The following MYO9A variants were observed in gnomAD, a reference collection of about 807,000 sequenced individuals.
MYO9A encodes myosin IXA.
A neutral mutation model predicts 293.3 loss-of-function variants in MYO9A; 103 were observed. The observed-to-expected ratio is 0.35, with a 90% CI of 0.30 to 0.41. The LOEUF (loss-of-function observed/expected upper bound fraction) is 0.41. Ranked by LOEUF, MYO9A falls within the 10% of genes least tolerant of loss-of-function variation. The pLI is 1.00. For missense variants in MYO9A, 2,685 were observed against 3,033.0 expected (o/e 0.89, Z 2.69); for synonymous variants, 1,001 against 1,035.7 (o/e 0.97, Z 0.64).
At chr15:71,908,432 G>C (rs1028475464) in intron 19 of MYO9A, among the ~76,000 whole-genome samples, 1 of 152,148 alleles carries the variant, frequency 6.6e-6, no homozygotes, top group East Asian at 1.9e-4. Flanking sequence ...CAAAGTGCTG[G>C]GATTACAGGC....
chr15:71,928,763 G>C (rs919981144), intron 18 of MYO9A, among the ~76,000 whole-genome samples: 1 of 151,934 alleles, frequency 6.6e-6, no homozygotes, highest in South Asian at 2.1e-4. Flanking sequence ...TTTATAAAAT[G>C]CTACTGATTT....
intron 6 of MYO9A, 131 bp downstream of exon 6, chr15:72,018,908 A>T (rs1055412549): frequency 2.8e-6 from 2 of 702,462 alleles, no homozygotes; most frequent in Non-Finnish European, 5.0e-6. Flanking sequence ...GAAATGAAAC[A>T]TTGATTTATC....
intron 8 of MYO9A, among the ~76,000 whole-genome samples, chr15:72,006,651 T>C (rs1410119198): frequency 6.6e-6 from 1 of 152,090 alleles, no homozygotes; most frequent in Non-Finnish European, 1.5e-5. Flanking sequence ...CCAAATAGCA[T>C]GAAGAGTGGA....
chr15:72,028,137 C>T (rs1306890051), intron 3 of MYO9A, among the ~76,000 whole-genome samples: 1 of 150,030 alleles, frequency 6.7e-6, no homozygotes, highest in Non-Finnish European at 1.5e-5. Context: ...GCAGAAGTTG[C>T]AGTGAACCAA....
chr15:71,960,742 T>C (rs959881794), intron 13 of MYO9A, among the ~76,000 whole-genome samples: 5 of 152,190 alleles, frequency 3.3e-5, no homozygotes, highest in Non-Finnish European at 7.3e-5. Context: ...TATAATTTTA[T>C]AGCAGCTTGT....
chr15:72,040,689 G>A (rs559352024), intron 2 of MYO9A, among the ~76,000 whole-genome samples: 2 of 151,974 alleles, frequency 1.3e-5, no homozygotes, highest in South Asian at 2.1e-4. Flanking sequence ...TTTGCCTCCC[G>A]AAGAACCCGG....
chr15:71,921,720 CA>C (rs1472832826), intron 18 of MYO9A, among the ~76,000 whole-genome samples: 3 of 152,054 alleles, frequency 2.0e-5, no homozygotes, highest in Non-Finnish European at 4.4e-5. Flanking sequence ...GTAAAAAGGT[CA>C]AAAAGTTAGT....
At chr15:72,115,541 G>T (rs568924166) in intron 1 of MYO9A, among the ~76,000 whole-genome samples, 3 of 152,078 alleles carry the variant, frequency 2.0e-5, no homozygotes, top group Admixed American at 6.5e-5. Flanking sequence ...ACTCAACTCC[G>T]AATATCCAAG....
intron 15 of MYO9A, among the ~76,000 whole-genome samples, chr15:71,940,773 A>C (rs1173279305): frequency 6.6e-6 from 1 of 152,194 alleles, no homozygotes; most frequent in Non-Finnish European, 1.5e-5. Flanking sequence ...TAAAATTAAC[A>C]TGGAAATACA....
intron 19 of MYO9A, among the ~76,000 whole-genome samples, chr15:71,914,656 CA>C (rs1176542482): frequency 6.6e-6 from 1 of 152,190 alleles, no homozygotes; most frequent in African/African-American, 2.4e-5. Flanking sequence ...AGATGACTTT[CA>C]CTTGTTCTTA....
chr15:72,085,226 C>G (rs867981008), intron 1 of MYO9A, among the ~76,000 whole-genome samples: 5 of 152,178 alleles, frequency 3.3e-5, no homozygotes, highest in Middle Eastern at 3.4e-3. Flanking sequence ...AGCCCCGTCT[C>G]TACTAAAAAT....
At chr15:71,962,474 C>A (rs903518984) in intron 13 of MYO9A, among the ~76,000 whole-genome samples, 2 of 152,096 alleles carry the variant, frequency 1.3e-5, no homozygotes, top group African/African-American at 4.8e-5. Flanking sequence ...TCCTTACATA[C>A]CCTTAGAGCA....
intron 20 of MYO9A, 35 bp downstream of exon 20, chr15:71,904,891 T>C: frequency 6.7e-7 from 1 of 1,491,392 alleles, no homozygotes. Flanking sequence ...TGAAGTAAGC[T>C]GAGATATGTG....
intron 15 of MYO9A, among the ~76,000 whole-genome samples, chr15:71,948,643 G>T (rs1377246401): frequency 6.6e-6 from 1 of 152,106 alleles, no homozygotes; most frequent in African/African-American, 2.4e-5. Context: ...GAAAAAATTT[G>T]CCAACCCCTA....
At chr15:72,025,642 A>C (rs1385000394) in intron 4 of MYO9A, among the ~76,000 whole-genome samples, 2 of 152,132 alleles carry the variant, frequency 1.3e-5, no homozygotes, top group African/African-American at 4.8e-5. Flanking sequence ...GAGCCAGTGC[A>C]CCCGGCCACA....
At chr15:71,990,991 A>G in intron 11 of MYO9A, 112 bp downstream of exon 11, 1 of 1,091,116 alleles carries the variant, frequency 9.2e-7, no homozygotes, top group Non-Finnish European at 1.2e-6. Flanking sequence ...ATATTTAATA[A>G]AAACACTATG....
intron 36 of MYO9A, 89 bp downstream of exon 36, chr15:71,852,043 A>C: frequency 7.3e-7 from 1 of 1,368,490 alleles, no homozygotes; most frequent in Non-Finnish European, 9.8e-7. Flanking sequence ...GAATTAAACC[A>C]CTAGAGGATG....
Position 71,881,141 on chromosome 15 carries a change from T to G in MYO9A, c.5399-583A>C, listed in dbSNP as rs939621168. ...ACTTCTGCTTGGGTCTCTTCAGCAT[T>G]TAGGATTTTCTTAAACATCCCCCAA... On this transcript the variant is annotated intron_variant, in intron 28 of 41. Coordinates refer to ENST00000356056, the MANE Select transcript of MYO9A (RefSeq NM_006901.4). 2.0e-5 allele frequency among the ~76,000 whole-genome samples: 3 copies of G among 152,022 alleles called. 1 individual carries two copies. Among genetic ancestry groups the G allele is most frequent in the Middle Eastern group, 6.8e-3 (2 of 294 alleles).
chr15:72,010,022 T>C (rs2077127473), intron 7 of MYO9A, among the ~76,000 whole-genome samples: 1 of 152,112 alleles, frequency 6.6e-6, no homozygotes, highest in South Asian at 2.1e-4. Flanking sequence ...ATCACTGATA[T>C]ATACAAAATG....
Sources: gnomAD v4.1 joint callset for allele counts (sites outside exome capture counted in the v4.1 genomes callset) on GRCh38, gnomAD v4.1.1 for gene constraint, MANE v1.5 for transcripts, NCBI Gene and HGNC (gene_info 2026-07-23, HGNC 2026-07-21) for gene names.